Variants in ANKRD55 observed in about 807,000 individuals in gnomAD.
ANKRD55 encodes ankyrin repeat domain-containing protein 55.
ANKRD55 carries 41 observed loss-of-function variants against 60.6 expected under a neutral mutation model. The observed-to-expected ratio is 0.68, with a 90% CI of 0.53 to 0.88. The LOEUF (loss-of-function observed/expected upper bound fraction) is 0.88. Among genes scored for constraint, ANKRD55 ranks in the 40% least tolerant of loss-of-function variants. The probability of loss-of-function intolerance (pLI) is 0.00; values close to 1 mark genes in which losing one functional copy is unlikely to be tolerated. For missense variants in ANKRD55, 732 were observed against 767.6 expected (o/e 0.95, Z 0.55); for synonymous variants, 264 against 290.3 (o/e 0.91, Z 0.92).
intron 6 of ANKRD55, chr5:56,146,995 T>TTG (rs1757915799): frequency 6.6e-6 from 1 of 152,210 alleles, no homozygotes. Flanking sequence ...GTTTCAGACT[T>TTG]TAAGAGTTAT....
intron 10 of ANKRD55, among the ~76,000 whole-genome samples, chr5:56,105,810 T>C (rs199583854): frequency 4.6e-5 from 7 of 152,204 alleles, no homozygotes; most frequent in East Asian, 3.8e-4. Flanking sequence ...GAAGAGTGCA[T>C]TGTTGGCTGA....
At chr5:56,219,358 C>CTT (rs1759906515) in intron 2 of ANKRD55, among the ~76,000 whole-genome samples, 1 of 151,440 alleles carries the variant, frequency 6.6e-6, no homozygotes, top group South Asian at 2.1e-4. Context: ...TCTGAGAGCA[C>CTT]ACTTAGAAAT....
rs146387549 is a variant in ANKRD55, at chr5:56,202,627, G to A, written c.59-18993C>T. On this transcript the variant is annotated intron_variant, in intron 2 of 11. Coordinates refer to ENST00000341048, the MANE Select transcript of ANKRD55 (RefSeq NM_024669.3). ...ATGTACCAGTTGAGGGAACAAACAT[G>A]CAAAGTGACCTTCATACCGTGGGAG... 3.9e-3 allele frequency among the ~76,000 whole-genome samples: 590 copies of A among 152,340 alleles called. 3 individuals are homozygous for A. The highest frequency in any genetic ancestry group is 0.012 in the African/African-American group (504 of 41,596).
chr5:56,172,683 T>C (rs1287241518), intron 4 of ANKRD55, among the ~76,000 whole-genome samples: 1 of 152,190 alleles, frequency 6.6e-6, no homozygotes, highest in Non-Finnish European at 1.5e-5. Flanking sequence ...ATACCTACTA[T>C]GTGCTGGCTG....
intron 2 of ANKRD55, among the ~76,000 whole-genome samples, chr5:56,226,406 C>A (rs193027459): frequency 6.6e-6 from 1 of 152,290 alleles, no homozygotes; most frequent in Non-Finnish European, 1.5e-5. Context: ...CAATACCATT[C>A]AGGACATAGG....
chr5:56,224,425 G>T (rs758933228), intron 2 of ANKRD55, among the ~76,000 whole-genome samples: 2 of 152,150 alleles, frequency 1.3e-5, no homozygotes, highest in Admixed American at 1.3e-4. Context: ...ACAACTAAAA[G>T]AACTAGAGAA....
chr5:56,181,352 T>G (rs1758845501), intron 3 of ANKRD55, among the ~76,000 whole-genome samples: 1 of 151,876 alleles, frequency 6.6e-6, no homozygotes, highest in Non-Finnish European at 1.5e-5. Flanking sequence ...GTTGTTGTTG[T>G]TGTTGATACT....
At chr5:56,130,805 T>G (rs919048092) in intron 7 of ANKRD55, among the ~76,000 whole-genome samples, 1 of 152,076 alleles carries the variant, frequency 6.6e-6, no homozygotes, top group Non-Finnish European at 1.5e-5. Flanking sequence ...GAACAAATAA[T>G]AAATGCTGGA....
At chr5:56,104,905 G>A (rs751683134) in intron 10 of ANKRD55, among the ~76,000 whole-genome samples, 7 of 151,958 alleles carry the variant, frequency 4.6e-5, no homozygotes, top group Non-Finnish European at 7.4e-5. Flanking sequence ...AGGTTTTCTG[G>A]GATCCCATAG....
chr5:56,198,575 G>A (rs983805726), intron 2 of ANKRD55, among the ~76,000 whole-genome samples: 2 of 151,810 alleles, frequency 1.3e-5, no homozygotes, highest in African/African-American at 4.8e-5. Flanking sequence ...GTGAGCCACC[G>A]CGCCTAGCCA....
chr5:56,143,697 C>T (rs1198945624), intron 7 of ANKRD55, 104 bp downstream of exon 7: 8 of 1,496,508 alleles, frequency 5.3e-6, no homozygotes, highest in East Asian at 2.3e-5. Context: ...GGAGCTGAAT[C>T]AAGAGCTGAA....
At chr5:56,173,602 A>ATC (rs1758669658) in intron 4 of ANKRD55, among the ~76,000 whole-genome samples, 23 of 132,730 alleles carry the variant, frequency 1.7e-4, no homozygotes, top group Non-Finnish European at 6.3e-5. Context: ...ATATATATAT[A>ATC]TATATCTTGG....
At chr5:56,148,193 G>T (rs1466820717) in intron 6 of ANKRD55, among the ~76,000 whole-genome samples, 3 of 152,178 alleles carry the variant, frequency 2.0e-5, no homozygotes, top group Non-Finnish European at 4.4e-5. Context: ...GAGTCTGTTG[G>T]ATAAGACAGC....
chr5:56,140,112 T>C (rs1757717871), intron 7 of ANKRD55, among the ~76,000 whole-genome samples: 1 of 152,180 alleles, frequency 6.6e-6, no homozygotes, highest in Non-Finnish European at 1.5e-5. Flanking sequence ...TGTGATCTCA[T>C]TATATGGTCC....
At chr5:56,100,396 G>A in intron 11 of ANKRD55, 92 bp from the exon 12 acceptor site, 11 of 1,488,500 alleles carry the variant, frequency 7.4e-6, no homozygotes, top group Non-Finnish European at 1.0e-5. Flanking sequence ...AGGAGTCGAG[G>A]CATTTCTAAG....
chr5:56,197,588 T>C (rs1759254953), intron 2 of ANKRD55, among the ~76,000 whole-genome samples: 1 of 152,228 alleles, frequency 6.6e-6, no homozygotes, highest in South Asian at 2.1e-4. Flanking sequence ...AAGATCTTCG[T>C]TATTTAGATA....
chr5:56,215,783 A>C (rs1362458583), intron 2 of ANKRD55, among the ~76,000 whole-genome samples: 1 of 152,180 alleles, frequency 6.6e-6, no homozygotes, highest in Non-Finnish European at 1.5e-5. Context: ...ATTAAGTGAG[A>C]TAATAGGAAG....
rs1758590981 is a variant in ANKRD55 at position 56,170,676 on chromosome 5, G to A, written c.422+18C>T. 3.1e-6 allele frequency: 5 copies of A among 1,608,010 alleles called. No individual in the cohort carries two copies. The Admixed American group carries it at 5.0e-5, about 16-fold the overall frequency. The stretch of plus-strand genomic sequence containing the variant: ...GAGTCACTCCCAACTTGAGCATCAT[G>A]TAAACCTGGCCACTTACCTCATATC... On this transcript the variant is annotated intron_variant, in intron 5 of 11. Transcript: ENST00000341048.
chr5:56,217,822 G>A (rs577803125), intron 2 of ANKRD55, among the ~76,000 whole-genome samples: 32 of 152,150 alleles, frequency 2.1e-4, no homozygotes, highest in African/African-American at 6.8e-4. Context: ...CATGAACCCA[G>A]GCGGCAGAAC....
Sources: allele counts gnomAD v4.1 joint callset (sites outside exome capture counted in the v4.1 genomes callset), GRCh38; gene constraint gnomAD v4.1.1; transcripts MANE v1.5; gene names NCBI Gene and HGNC (gene_info 2026-07-23, HGNC 2026-07-21).